Variants in CLEC16A observed in about 807,000 individuals in gnomAD.
CLEC16A encodes the protein protein CLEC16A.
CLEC16A carries 51 observed loss-of-function variants against 109.5 expected under a neutral mutation model. That is an observed-to-expected ratio of 0.47 (90% CI 0.37 to 0.59). The LOEUF is 0.59. Among genes scored for constraint, CLEC16A ranks in the 20% least tolerant of loss-of-function variants. The pLI, the probability that CLEC16A is intolerant of heterozygous loss-of-function variation, is 0.00. For missense variants in CLEC16A, 1,339 were observed against 1,394.0 expected (o/e 0.96, Z 0.63); for synonymous variants, 673 against 564.2 (o/e 1.19, Z -2.73).
At chr16:11,109,932 CT>C (rs1328029692) in intron 19 of CLEC16A, among the ~76,000 whole-genome samples, 1 of 152,240 alleles carries the variant, frequency 6.6e-6, no homozygotes. Flanking sequence ...GGATATCCCC[CT>C]GTAAGGAAAA....
At chr16:11,034,105 G>A (rs940881053) in intron 13 of CLEC16A, among the ~76,000 whole-genome samples, 1 of 152,210 alleles carries the variant, frequency 6.6e-6, no homozygotes, top group Non-Finnish European at 1.5e-5. Context: ...ATGGATGAGC[G>A]ATATGGAAAA....
intron 22 of CLEC16A, among the ~76,000 whole-genome samples, chr16:11,127,954 G>T (rs770642265): frequency 3.3e-5 from 5 of 152,212 alleles, no homozygotes; most frequent in African/African-American, 4.8e-5. Context: ...AGATGATTCT[G>T]CCTGTTTCAG....
At chr16:11,139,831 T>G (rs1346680032) in intron 22 of CLEC16A, among the ~76,000 whole-genome samples, 1 of 152,216 alleles carries the variant, frequency 6.6e-6, no homozygotes, top group East Asian at 1.9e-4. Flanking sequence ...GTGGTCTACT[T>G]CTAGCCTTAC....
At chr16:11,001,729 C>G (rs114777009) in intron 10 of CLEC16A, among the ~76,000 whole-genome samples, 1 of 152,134 alleles carries the variant, frequency 6.6e-6, no homozygotes, top group African/African-American at 2.4e-5. Context: ...AAGCCTTGAC[C>G]TCCCAGCCTC....
intron 19 of CLEC16A, among the ~76,000 whole-genome samples, chr16:11,087,826 G>T (rs1226587593): frequency 6.6e-6 from 1 of 152,226 alleles, no homozygotes; most frequent in Non-Finnish European, 1.5e-5. Flanking sequence ...CAGGTCGCTG[G>T]CCAGGTCACT....
At chr16:11,044,128 TGTG>T in intron 16 of CLEC16A, 56 bp downstream of exon 16, 1 of 1,465,946 alleles carries the variant, frequency 6.8e-7, no homozygotes. Context: ...GAAACAGAAG[TGTG>T]GTGTCTGGTT....
rs185376526 is a variant in CLEC16A, at chr16:10,991,909, G to A, written c.1071+8918G>A. ...CCAGCAGAGTTCACAAGAGTGGCTTGGTGGTGTGAGTCATTCGTTTCATGC... is the reference window on the plus strand; with the variant it reads ...CCAGCAGAGTTCACAAGAGTGGCTTAGTGGTGTGAGTCATTCGTTTCATGC... On this transcript the variant is annotated intron_variant, in intron 10 of 23. Transcript: ENST00000409790. Among the ~76,000 whole-genome samples, 582 of 152,298 alleles carry A rather than the reference G, an allele frequency of 3.8e-3. 4 individuals are homozygous for A. Among genetic ancestry groups the A allele is most frequent in the African/African-American group, 0.013 (557 of 41,580 alleles).
chr16:11,068,108 G>A (rs1023538010), intron 19 of CLEC16A, among the ~76,000 whole-genome samples: 6 of 152,112 alleles, frequency 3.9e-5, no homozygotes, highest in Non-Finnish European at 7.3e-5. Flanking sequence ...AATGCAGACC[G>A]AATCTCAGCC....
At chr16:10,987,381 T>C (rs958936700) in intron 10 of CLEC16A, among the ~76,000 whole-genome samples, 4 of 152,192 alleles carry the variant, frequency 2.6e-5, no homozygotes, top group Non-Finnish European at 5.9e-5. Flanking sequence ...TTTAGGACAC[T>C]GGCTGTAGCT....
chr16:11,021,269 G>T (rs957240009), intron 12 of CLEC16A, among the ~76,000 whole-genome samples: 11 of 152,150 alleles, frequency 7.2e-5, no homozygotes, highest in Admixed American at 2.0e-4. Flanking sequence ...TATCAGATGT[G>T]CAAGGGAGCC....
At chr16:10,985,167 C>T (rs1012580051) in intron 10 of CLEC16A, among the ~76,000 whole-genome samples, 1 of 141,664 alleles carries the variant, frequency 7.1e-6, no homozygotes, top group African/African-American at 2.7e-5. Context: ...TGCGCCACTG[C>T]ACTCCAGCCT....
intron 18 of CLEC16A, among the ~76,000 whole-genome samples, chr16:11,052,865 C>CT (rs2048022548): frequency 6.6e-6 from 1 of 150,616 alleles, no homozygotes; most frequent in Non-Finnish European, 1.5e-5. Flanking sequence ...CACTGCTGCT[C>CT]TGGATTCCAC....
chr16:11,036,234 C>T (rs1007135872), intron 13 of CLEC16A: 42 of 152,818 alleles, frequency 2.7e-4, no homozygotes, highest in African/African-American at 9.4e-4. Context: ...CTGCATCACC[C>T]TCCAGGATCC....
chr16:10,962,664 T>A, intron 3 of CLEC16A, 76 bp downstream of exon 3: 1 of 1,515,070 alleles, frequency 6.6e-7, no homozygotes, highest in Non-Finnish European at 9.1e-7. Context: ...GTTTTCTGTG[T>A]CTGCGCTTAC....
chr16:11,099,845 T>C (rs1171303847), intron 19 of CLEC16A, among the ~76,000 whole-genome samples: 2 of 152,190 alleles, frequency 1.3e-5, no homozygotes, highest in African/African-American at 2.4e-5. Context: ...ACGTGCTGTT[T>C]TCACCCCTGT....
At chr16:11,139,590 C>T (rs1462975357) in intron 22 of CLEC16A, among the ~76,000 whole-genome samples, 1 of 152,204 alleles carries the variant, frequency 6.6e-6, no homozygotes, top group Non-Finnish European at 1.5e-5. Flanking sequence ...AAAACACATT[C>T]CAAAACCCAT....
At chr16:11,118,372 C>T (rs1430127773) in intron 19 of CLEC16A, among the ~76,000 whole-genome samples, 6 of 73,476 alleles carry the variant, frequency 8.2e-5, no homozygotes, top group African/African-American at 1.2e-4. Flanking sequence ...AGATAAGGGA[C>T]GTTAATTCTC....
At chr16:11,069,931 T>C (rs1394666600) in intron 19 of CLEC16A, among the ~76,000 whole-genome samples, 2 of 152,224 alleles carry the variant, frequency 1.3e-5, no homozygotes, top group Admixed American at 1.3e-4. Flanking sequence ...CACCATTTTA[T>C]ATGAAGGACT....
chr16:11,116,570 C>G (rs1439151633), intron 19 of CLEC16A, among the ~76,000 whole-genome samples: 1 of 152,110 alleles, frequency 6.6e-6, no homozygotes, highest in Non-Finnish European at 1.5e-5. Context: ...AAACCAGAAT[C>G]TCAGACAGGT....
Sources: allele counts gnomAD v4.1 joint callset (sites outside exome capture counted in the v4.1 genomes callset), GRCh38; gene constraint gnomAD v4.1.1; transcripts MANE v1.5; gene names NCBI Gene and HGNC (gene_info 2026-07-23, HGNC 2026-07-21).